The following SNTB1 variants were observed in gnomAD, a reference collection of about 807,000 sequenced individuals.
The protein encoded by SNTB1 is beta-1-syntrophin.
SNTB1 carries 36 observed loss-of-function variants against 48.9 expected under a neutral mutation model. That is an observed-to-expected ratio of 0.74 (90% CI 0.56 to 0.97). The LOEUF (loss-of-function observed/expected upper bound fraction) is 0.97, where lower values mean the gene tolerates loss of function less well. SNTB1 is among the 50% of genes least tolerant of loss of function. The pLI is 0.00. For missense variants in SNTB1, 786 were observed against 703.4 expected (o/e 1.12, Z -1.33); for synonymous variants, 299 against 294.6 (o/e 1.01, Z -0.15).
chr8:120,553,373 T>C (rs538229615), intron 4 of SNTB1, among the ~76,000 whole-genome samples: 88 of 152,338 alleles, frequency 5.8e-4, no homozygotes, highest in African/African-American at 2.0e-3. Flanking sequence ...ATGAAACGTA[T>C]AGTACTGTAT....
At chr8:120,562,221 T>C (rs1377329363) in intron 4 of SNTB1, among the ~76,000 whole-genome samples, 4 of 152,372 alleles carry the variant, frequency 2.6e-5, no homozygotes, top group Admixed American at 2.6e-4. Flanking sequence ...TTACATATGC[T>C]ATCTCAATCA....
intron 3 of SNTB1, among the ~76,000 whole-genome samples, chr8:120,581,437 C>G (rs947117826): frequency 1.1e-4 from 16 of 151,814 alleles, no homozygotes; most frequent in Non-Finnish European, 2.2e-4. Flanking sequence ...AAACTCGTCT[C>G]TACTAAAAAT....
At chr8:120,580,135 T>C (rs769677032) in intron 3 of SNTB1, among the ~76,000 whole-genome samples, 4 of 152,232 alleles carry the variant, frequency 2.6e-5, no homozygotes, top group Non-Finnish European at 5.9e-5. Context: ...GGATTCTTGC[T>C]TTACAGCTCT....
chr8:120,673,299 T>C (rs1328828354), intron 2 of SNTB1, among the ~76,000 whole-genome samples: 1 of 151,904 alleles, frequency 6.6e-6, no homozygotes, highest in Admixed American at 6.6e-5. Flanking sequence ...TCTTTCTTTT[T>C]TTTTTTTTTG....
intron 1 of SNTB1, among the ~76,000 whole-genome samples, chr8:120,701,118 T>A (rs1818303214): frequency 6.6e-6 from 1 of 152,042 alleles, no homozygotes; most frequent in Admixed American, 6.6e-5. Flanking sequence ...AATATAAGAT[T>A]TACCCTCAAT....
intron 1 of SNTB1, among the ~76,000 whole-genome samples, chr8:120,704,970 A>T (rs758955885): frequency 6.6e-6 from 1 of 152,206 alleles, no homozygotes; most frequent in Admixed American, 6.5e-5. Flanking sequence ...AAGTAATAGG[A>T]TATTAGGCTC....
At chr8:120,666,697 C>T (rs1397758217) in intron 2 of SNTB1, among the ~76,000 whole-genome samples, 2 of 152,006 alleles carry the variant, frequency 1.3e-5, no homozygotes, top group Non-Finnish European at 2.9e-5. Flanking sequence ...TTCCTTCTCC[C>T]CTTTGTGGAC....
Position 120,795,491 on chromosome 8 carries a change from AG to A in SNTB1, c.571+15781del, listed in dbSNP as rs761728074. Among the ~76,000 whole-genome samples, 21 of 152,008 alleles carry A rather than the reference AG, an allele frequency of 1.4e-4. 1 individual carries two copies. The highest frequency in any genetic ancestry group is 4.6e-4 in the Admixed American group (7 of 15,266). ...ATTCATCTGAACACTTAGTAAAGACAGGTGGTGTCATTAGATATTTGACAAA... is the reference window on the plus strand; with the variant it reads ...ATTCATCTGAACACTTAGTAAAGACAGTGGTGTCATTAGATATTTGACAAA... On this transcript the variant is annotated intron_variant, in intron 1 of 6. Transcript: ENST00000517992.
At chr8:120,777,210 C>T (rs1449899191) in intron 1 of SNTB1, among the ~76,000 whole-genome samples, 1 of 152,196 alleles carries the variant, frequency 6.6e-6, no homozygotes, top group Non-Finnish European at 1.5e-5. Flanking sequence ...CAAATCCTTA[C>T]ACCATGGATA....
At chr8:120,642,495 C>G (rs1817213000) in intron 2 of SNTB1, among the ~76,000 whole-genome samples, 1 of 152,200 alleles carries the variant, frequency 6.6e-6, no homozygotes, top group African/African-American at 2.4e-5. Context: ...TGAGGCTAAG[C>G]TGGAGCCCCT....
intron 3 of SNTB1, among the ~76,000 whole-genome samples, chr8:120,595,740 C>T (rs141557704): frequency 2.0e-5 from 3 of 152,160 alleles, no homozygotes; most frequent in Admixed American, 6.5e-5. Context: ...TGCACTACCA[C>T]GCCCGGCTAA....
intron 4 of SNTB1, among the ~76,000 whole-genome samples, chr8:120,566,226 G>A (rs1044748660): frequency 6.6e-6 from 1 of 151,736 alleles, no homozygotes; most frequent in Non-Finnish European, 1.5e-5. Context: ...CTACTTGGGA[G>A]GCTAAGGCAG....
intron 1 of SNTB1, among the ~76,000 whole-genome samples, chr8:120,787,800 C>A (rs1819948114): frequency 6.6e-6 from 1 of 151,988 alleles, no homozygotes; most frequent in South Asian, 2.1e-4. Flanking sequence ...TTTGGGAAAC[C>A]TATTTGAGGG....
intron 4 of SNTB1, among the ~76,000 whole-genome samples, chr8:120,567,416 CTT>C (rs10699484): frequency 2.2e-5 from 3 of 134,674 alleles, no homozygotes; most frequent in Admixed American, 7.6e-5. Flanking sequence ...GGTTGAGCTC[CTT>C]TTTTTTTTTT....
chr8:120,751,548 C>A (rs1819214474), intron 1 of SNTB1, among the ~76,000 whole-genome samples: 1 of 152,114 alleles, frequency 6.6e-6, no homozygotes, highest in East Asian at 1.9e-4. Flanking sequence ...GTTATTGGCA[C>A]TGGAAGTAAA....
chr8:120,779,946 G>T (rs983096932), intron 1 of SNTB1, among the ~76,000 whole-genome samples: 40 of 152,246 alleles, frequency 2.6e-4, no homozygotes, highest in Admixed American at 1.2e-3. Context: ...ATATATCCAC[G>T]TAGGGCTCTA....
chr8:120,781,500 A>C (rs1195911928), intron 1 of SNTB1, among the ~76,000 whole-genome samples: 2 of 151,742 alleles, frequency 1.3e-5, no homozygotes, highest in African/African-American at 4.9e-5. Context: ...AAGATATTTG[A>C]ATTTAGACTC....
intron 1 of SNTB1, among the ~76,000 whole-genome samples, chr8:120,794,547 T>G (rs1347314569): frequency 6.6e-6 from 1 of 152,020 alleles, no homozygotes; most frequent in Non-Finnish European, 1.5e-5. Context: ...AAGGTAAATA[T>G]ATAAAGAGGG....
intron 1 of SNTB1, among the ~76,000 whole-genome samples, chr8:120,717,722 G>A (rs1818585018): frequency 1.3e-5 from 2 of 152,154 alleles, no homozygotes; most frequent in African/African-American, 4.8e-5. Flanking sequence ...GGCAGTCCAG[G>A]TCAAGGCAGA....
Sources: gnomAD v4.1 joint callset for allele counts (sites outside exome capture counted in the v4.1 genomes callset) on GRCh38, gnomAD v4.1.1 for gene constraint, MANE v1.5 for transcripts, NCBI Gene and HGNC (gene_info 2026-07-23, HGNC 2026-07-21) for gene names.